The following NPAS3 variants were observed in gnomAD, a reference collection of about 807,000 sequenced individuals.
NPAS3 encodes the protein neuronal PAS domain-containing protein 3.
In NPAS3, 14 loss-of-function variants were observed where a neutral mutation model predicts 73.1. The ratio of observed to expected loss-of-function variants is 0.19; its 90% CI spans 0.13 to 0.30. The LOEUF is 0.30. Ranked by LOEUF, NPAS3 falls within the 10% of genes least tolerant of loss-of-function variation. The probability of loss-of-function intolerance (pLI) is 1.00; values close to 1 mark genes in which losing one functional copy is unlikely to be tolerated. For missense variants in NPAS3, 1,096 were observed against 1,250.0 expected (o/e 0.88, Z 1.86); for synonymous variants, 620 against 541.5 (o/e 1.14, Z -2.01).
intron 3 of NPAS3, among the ~76,000 whole-genome samples, chr14:33,254,135 G>GC (rs1188760382): frequency 3.9e-5 from 6 of 152,162 alleles, no homozygotes; most frequent in Non-Finnish European, 8.8e-5. Context: ...GTCCTCGCAT[G>GC]CAGTCTCTCC....
intron 4 of NPAS3, among the ~76,000 whole-genome samples, chr14:33,376,830 G>T (rs1050291343): frequency 6.6e-6 from 1 of 152,138 alleles, no homozygotes; most frequent in African/African-American, 2.4e-5. Flanking sequence ...AGTTTTCCTG[G>T]CTGGCAGATT....
At chr14:33,051,296 A>AAAAAAAAGAG (rs771840433) in intron 1 of NPAS3, among the ~76,000 whole-genome samples, 1 of 142,526 alleles carries the variant, frequency 7.0e-6, no homozygotes, top group African/African-American at 2.8e-5. Context: ...AAAAAAAAAA[A>AAAAAAAAGAG]AGAGAGACTA....
intron 5 of NPAS3, among the ~76,000 whole-genome samples, chr14:33,643,087 G>T (rs1022502979): frequency 2.0e-5 from 3 of 151,998 alleles, no homozygotes; most frequent in African/African-American, 7.2e-5. Flanking sequence ...TCTGATCTCA[G>T]CTCTCACTTT....
chr14:33,493,398 C>T (rs1385342719), intron 4 of NPAS3, among the ~76,000 whole-genome samples: 1 of 151,676 alleles, frequency 6.6e-6, no homozygotes, highest in Non-Finnish European at 1.5e-5. Context: ...TGTGCTGCTC[C>T]TCTGGGAGCA....
intron 4 of NPAS3, among the ~76,000 whole-genome samples, chr14:33,457,106 G>A (rs2050056518): frequency 6.6e-6 from 1 of 152,184 alleles, no homozygotes. Context: ...CAGGTGAAGG[G>A]CGAGTCGCCG....
At chr14:33,688,113 A>G (rs1234130854) in intron 6 of NPAS3, among the ~76,000 whole-genome samples, 1 of 152,182 alleles carries the variant, frequency 6.6e-6, no homozygotes, top group Non-Finnish European at 1.5e-5. Context: ...CAGAGGGTAC[A>G]TGTGCAGGTT....
At chr14:33,645,168 G>C (rs2058794605) in intron 5 of NPAS3, among the ~76,000 whole-genome samples, 1 of 152,150 alleles carries the variant, frequency 6.6e-6, no homozygotes, top group African/African-American at 2.4e-5. Context: ...TCGAGAGTTG[G>C]TAAGTGCCTG....
At chr14:33,127,315 G>A (rs1425607639) in intron 2 of NPAS3, among the ~76,000 whole-genome samples, 1 of 151,976 alleles carries the variant, frequency 6.6e-6, no homozygotes. Context: ...GCTATGAAGT[G>A]TTTGGTTTTT....
intron 1 of NPAS3, among the ~76,000 whole-genome samples, chr14:32,951,512 C>A (rs1171411549): frequency 6.6e-6 from 1 of 151,846 alleles, no homozygotes; most frequent in African/African-American, 2.4e-5. Context: ...CAATAGGATG[C>A]CTTAAGTTAA....
chr14:33,263,826 A>G (rs2049066462), intron 3 of NPAS3, among the ~76,000 whole-genome samples: 1 of 152,112 alleles, frequency 6.6e-6, no homozygotes, highest in Non-Finnish European at 1.5e-5. Flanking sequence ...CTCCTTGAAG[A>G]GGTCCTTCAC....
At chr14:33,238,837 T>C (rs568314526) in intron 3 of NPAS3, among the ~76,000 whole-genome samples, 3 of 152,018 alleles carry the variant, frequency 2.0e-5, no homozygotes, top group Admixed American at 6.6e-5. Flanking sequence ...ATAAAATGAA[T>C]ATGGAAAGTC....
intron 5 of NPAS3, chr14:33,612,269 T>C: frequency 2.6e-6 from 1 of 386,496 alleles, no homozygotes; most frequent in Non-Finnish European, 5.2e-6. Flanking sequence ...TGCCCCACTG[T>C]TCAGCTGATC....
chr14:33,189,556 A>G (rs1030692263), intron 2 of NPAS3, among the ~76,000 whole-genome samples: 1 of 152,210 alleles, frequency 6.6e-6, no homozygotes, highest in East Asian at 1.9e-4. Flanking sequence ...CTTAGAACAC[A>G]AAAGAAGGAT....
At chr14:33,756,197 G>A (rs554171325) in intron 7 of NPAS3, among the ~76,000 whole-genome samples, 17 of 152,240 alleles carry the variant, frequency 1.1e-4, no homozygotes, top group Non-Finnish European at 2.4e-4. Context: ...ATTTATCAGA[G>A]TCAGTAATGA....
chr14:32,969,945 A>G (rs1333701561), intron 1 of NPAS3, among the ~76,000 whole-genome samples: 1 of 152,196 alleles, frequency 6.6e-6, no homozygotes, highest in Non-Finnish European at 1.5e-5. Context: ...CACATTACTA[A>G]TTACTGAAAA....
intron 4 of NPAS3, among the ~76,000 whole-genome samples, chr14:33,508,281 T>C (rs2052869364): frequency 6.6e-6 from 1 of 152,054 alleles, no homozygotes; most frequent in Non-Finnish European, 1.5e-5. Flanking sequence ...ATCATATCTG[T>C]TCTTATAATT....
intron 4 of NPAS3, among the ~76,000 whole-genome samples, chr14:33,478,377 G>T (rs991580141): frequency 1.6e-4 from 25 of 152,106 alleles, no homozygotes; most frequent in Non-Finnish European, 1.9e-4. Context: ...CTAATATCAT[G>T]ATAATATAAA....
intron 2 of NPAS3, among the ~76,000 whole-genome samples, chr14:33,141,792 G>T (rs551986320): frequency 2.4e-4 from 37 of 152,302 alleles, no homozygotes; most frequent in Non-Finnish European, 4.9e-4. Flanking sequence ...TATGAGAATA[G>T]AATTGGGATG....
chr14:33,689,955 C>T (rs2060189957), intron 6 of NPAS3, among the ~76,000 whole-genome samples: 1 of 152,140 alleles, frequency 6.6e-6, no homozygotes, highest in Non-Finnish European at 1.5e-5. Context: ...CTAGCCCGGC[C>T]TATTAAAATG....
Sources: allele counts gnomAD v4.1 joint callset (sites outside exome capture counted in the v4.1 genomes callset), GRCh38; gene constraint gnomAD v4.1.1; transcripts MANE v1.5; gene names NCBI Gene and HGNC (gene_info 2026-07-23, HGNC 2026-07-21).